The following IRF8 variants were observed in gnomAD, a reference collection of about 807,000 sequenced individuals.
IRF8 encodes interferon consensus sequence binding protein 1.
In IRF8, 14 loss-of-function variants were observed where a neutral mutation model predicts 48.7. That is an observed-to-expected ratio of 0.29 (90% CI 0.19 to 0.45). The LOEUF is 0.45. IRF8 is among the 20% of genes least tolerant of loss of function. The probability of loss-of-function intolerance (pLI) is 1.00; values close to 1 mark genes in which losing one functional copy is unlikely to be tolerated. For missense variants in IRF8, 493 were observed against 580.7 expected, an observed-to-expected ratio of 0.85 and a Z score of 1.55; for synonymous variants, 278 against 227.3, an observed-to-expected ratio of 1.22 and a Z score of -2.01.
chr16:85,917,091 C>T (rs548900405), intron 6 of IRF8, among the ~76,000 whole-genome samples: 96 of 152,132 alleles, frequency 6.3e-4, no homozygotes, highest in Admixed American at 1.2e-3. Flanking sequence ...TGGGAGGGTC[C>T]AAGGAGTTCT....
At chr16:85,915,712 G>A (rs567770999) in intron 6 of IRF8, among the ~76,000 whole-genome samples, 25 of 152,308 alleles carry the variant, frequency 1.6e-4, no homozygotes, top group Non-Finnish European at 2.5e-4. Context: ...CTCCGGGCTC[G>A]CCAGCCACTG....
intron 7 of IRF8, 91 bp downstream of exon 7, chr16:85,918,894 C>G: frequency 6.6e-7 from 1 of 1,507,008 alleles, no homozygotes; most frequent in South Asian, 1.1e-5. Context: ...GCCCTGTGGT[C>G]TCATGGAGGG....
At chr16:85,900,105 G>T (rs1233953355) in intron 1 of IRF8, among the ~76,000 whole-genome samples, 2 of 152,216 alleles carry the variant, frequency 1.3e-5, no homozygotes, top group Non-Finnish European at 2.9e-5. Flanking sequence ...CTTGAGGAAG[G>T]TTGGTGCCAG....
intron 4 of IRF8, 37 bp downstream of exon 4, chr16:85,911,695 C>T (rs1905149058): frequency 6.4e-7 from 1 of 1,556,668 alleles, no homozygotes; most frequent in Non-Finnish European, 8.9e-7. Context: ...CTGGCCCTGC[C>T]AGGAGGAGTC....
chr16:85,914,391 T>G, intron 5 of IRF8, 82 bp from the exon 6 acceptor site: 4 of 1,559,688 alleles, frequency 2.6e-6, no homozygotes, highest in Non-Finnish European at 3.5e-6. Flanking sequence ...TTTAAGGGAC[T>G]TTTGGAGAAG....
chr16:85,921,812 T>C lies in IRF8; in HGVS notation c.*530T>C, dbSNP rs1193158267. 5.5e-6 allele frequency: 1 copy of C among 181,194 alleles called. No individual in the cohort carries two copies. Among genetic ancestry groups the C allele is most frequent in the African/African-American group, 2.4e-5 (1 of 41,628 alleles). The allele number at this position is 181,194 out of a possible 1,614,324, so 11.2% of individuals were successfully genotyped here. On this transcript the variant is annotated 3_prime_UTR_variant, in exon 9 of 9. Coordinates refer to ENST00000268638, the MANE Select transcript of IRF8 (RefSeq NM_002163.4). ...ATATTTAGATTAAAGCCCCCTTTAATGAGTACAAGAAAAACTCTTGGCTTG... is the reference window on the plus strand; with the variant it reads ...ATATTTAGATTAAAGCCCCCTTTAACGAGTACAAGAAAAACTCTTGGCTTG...
At position 85,922,210 on chromosome 16, in the gene IRF8, A is replaced by C. The variant is rs572927847; in HGVS notation, c.*928A>C. On this transcript the variant is annotated 3_prime_UTR_variant, in exon 9 of 9. Coordinates refer to ENST00000268638, the MANE Select transcript of IRF8 (RefSeq NM_002163.4). ...TTAGGGTTTGGGAGACAGCTCATCC[A>C]ATCTCCCAAGTCTCATGGTGGATTT... 1 of 152,472 alleles carries C rather than the reference A, an allele frequency of 6.6e-6. No individual in the cohort carries two copies. Among genetic ancestry groups the C allele is most frequent in the South Asian group, 2.1e-4 (1 of 4,822 alleles). 9.4% of individuals were successfully genotyped at this position (152,472 alleles called of 1,614,324 possible).
At chr16:85,914,373 T>C (rs1360061631) in intron 5 of IRF8, 100 bp from the exon 6 acceptor site, 20 of 1,397,534 alleles carry the variant, frequency 1.4e-5, no homozygotes, top group Non-Finnish European at 2.0e-5. Flanking sequence ...GCACGCCATG[T>C]GCAGCCTTTT....
intron 1 of IRF8, chr16:85,902,564 A>C: frequency 4.0e-6 from 1 of 251,428 alleles, no homozygotes. Context: ...CTATCAGGGA[A>C]TGTGGGGCCA....
At chr16:85,915,414 G>A (rs1398945057) in intron 6 of IRF8, among the ~76,000 whole-genome samples, 1 of 152,240 alleles carries the variant, frequency 6.6e-6, no homozygotes, top group Non-Finnish European at 1.5e-5. Context: ...AGGACTGCAT[G>A]GGACAGTTTT....
intron 7 of IRF8, among the ~76,000 whole-genome samples, chr16:85,919,713 C>G (rs1211543171): frequency 6.6e-6 from 1 of 152,200 alleles, no homozygotes; most frequent in African/African-American, 2.4e-5. Flanking sequence ...GGTCCACCGG[C>G]CCACTTTGAG....
intron 5 of IRF8, 165 bp downstream of exon 5, chr16:85,913,401 A>G (rs562056031): frequency 3.1e-6 from 2 of 650,948 alleles, no homozygotes; most frequent in Admixed American, 2.1e-5. Flanking sequence ...GTTTCCCAAC[A>G]TGAGGGCAGA....
At chr16:85,920,727 A>G (rs542595133) in intron 8 of IRF8, among the ~76,000 whole-genome samples, 1 of 151,982 alleles carries the variant, frequency 6.6e-6, no homozygotes, top group African/African-American at 2.4e-5. Context: ...TGGGACGCGC[A>G]CAGTCTGTGT....
At chr16:85,903,213 C>T (rs755494599) in intron 2 of IRF8, 24 bp downstream of exon 2, 2 of 1,598,722 alleles carry the variant, frequency 1.3e-6, no homozygotes, top group Non-Finnish European at 1.7e-6. Context: ...CTCCCTTCCC[C>T]ACTGTGGGCA....
rs200999470 is a variant in IRF8, at chr16:85,918,411, C to G, written c.602-6C>G. On this transcript the variant is annotated splice_polypyrimidine_tract_variant and splice_region_variant and intron_variant, in intron 6 of 8. Coordinates refer to ENST00000268638, the MANE Select transcript of IRF8 (RefSeq NM_002163.4). ...AGCACCGTCATCGTGTCCCTCTTGT[C>G]CACAGCATTCTCCCAGATGGTGATC... 6.3e-7 allele frequency: 1 copy of G among 1,594,928 alleles called. No individual in the cohort carries two copies. The highest frequency in any genetic ancestry group is 8.5e-7 in the Non-Finnish European group (1 of 1,178,362).
chr16:85,907,939 G>A (rs1905051408), intron 2 of IRF8, among the ~76,000 whole-genome samples: 1 of 151,906 alleles, frequency 6.6e-6, no homozygotes, highest in Admixed American at 6.6e-5. Flanking sequence ...TTACCTCTTG[G>A]AATTGCATTT....
chr16:85,914,138 G>A, intron 5 of IRF8: 2 of 386,338 alleles, frequency 5.2e-6, no homozygotes, highest in Admixed American at 7.3e-5. Flanking sequence ...ATAAGCCCTG[G>A]GTGGTGGGTA....
intron 6 of IRF8, among the ~76,000 whole-genome samples, chr16:85,914,758 C>T (rs938567024): frequency 2.0e-5 from 3 of 151,604 alleles, no homozygotes; most frequent in Non-Finnish European, 1.5e-5. Flanking sequence ...GTGTGGAAGT[C>T]GAGGCTCCGT....
At chr16:85,912,680 T>G (rs1265358291) in intron 4 of IRF8, among the ~76,000 whole-genome samples, 1 of 152,358 alleles carries the variant, frequency 6.6e-6, no homozygotes, top group South Asian at 2.1e-4. Flanking sequence ...CATTTCATAA[T>G]TGGATTTATC....
Sources: allele counts gnomAD v4.1 joint callset (sites outside exome capture counted in the v4.1 genomes callset), GRCh38; gene constraint gnomAD v4.1.1; transcripts MANE v1.5; gene names NCBI Gene and HGNC (gene_info 2026-07-23, HGNC 2026-07-21).